The following ZNF677 variants were observed in gnomAD, a reference collection of about 807,000 sequenced individuals.
ZNF677 encodes the protein hypothetical protein MGC48625.
ZNF677 carries 5 observed loss-of-function variants against 8.1 expected under a neutral mutation model. The observed-to-expected ratio is 0.62, with a 90% confidence interval of 0.32 to 1.29. The LOEUF (loss-of-function observed/expected upper bound fraction) is 1.29, where lower values mean the gene tolerates loss of function less well. ZNF677 is among the 50% of genes most tolerant of loss of function. ZNF677 has a pLI of 0.05. For missense variants in ZNF677, 685 were observed against 685.9 expected (o/e 1.00, Z 0.01); for synonymous variants, 221 against 225.6 (o/e 0.98, Z 0.18).
intron 3 of ZNF677, among the ~76,000 whole-genome samples, chr19:53,250,487 C>CTTTTTT (rs1182591306): frequency 1.3e-5 from 2 of 152,186 alleles, no homozygotes; most frequent in Non-Finnish European, 2.9e-5. Flanking sequence ...CCACGGAATA[C>CTTTTTT]TATGTAGCCA....
At chr19:53,242,111 T>C in intron 4 of ZNF677, 1 of 395,246 alleles carries the variant, frequency 2.5e-6, no homozygotes, top group Non-Finnish European at 4.5e-6. Context: ...TTTGTATTTT[T>C]AGTAGAGACG....
chr19:53,237,939 TATG>T lies in ZNF677; in HGVS notation c.785_787del (p.Ser262del), dbSNP rs1568688710. 2.0e-5 allele frequency: 33 copies of T among 1,612,116 alleles called. No individual in the cohort carries two copies. Among genetic ancestry groups the T allele is most frequent in the Non-Finnish European group, 2.7e-5 (32 of 1,179,872 alleles). On this transcript the variant is annotated inframe_deletion, in exon 5 of 5. Transcript: ENST00000598513. Reference sequence around the variant, plus strand: ...AGCCTTTCCACAGTCATTACACTTGTATGATTTTTCTCTAATGTGTGTTCTCCC... The same window carrying T: ...AGCCTTTCCACAGTCATTACACTTGTATTTTTCTCTAATGTGTGTTCTCCC...
chr19:53,253,413 C>T (rs1215375667), intron 1 of ZNF677, among the ~76,000 whole-genome samples: 1 of 152,138 alleles, frequency 6.6e-6, no homozygotes, highest in Non-Finnish European at 1.5e-5. Flanking sequence ...GCATTTAGGC[C>T]AGGCGCGGTG....
Position 53,235,641 on chromosome 19 carries a change from CT to C in ZNF677, c.*1330del. 1 of 152,226 alleles carries C rather than the reference CT, an allele frequency of 6.6e-6. No individual in the cohort carries two copies. Among genetic ancestry groups the C allele is most frequent in the Non-Finnish European group, 1.5e-5 (1 of 68,012 alleles). 9.4% of individuals were successfully genotyped at this position (152,226 alleles called of 1,614,324 possible). On this transcript the variant is annotated 3_prime_UTR_variant, in exon 5 of 5. Transcript: ENST00000598513. ...CAAGAGAGGGTGACTATCATTCCCCCTCCATTTCTTTCTACCACATATGCAG... is the reference window on the plus strand; with the variant it reads ...CAAGAGAGGGTGACTATCATTCCCCCCCATTTCTTTCTACCACATATGCAG...
chr19:53,237,032 A>G lies in ZNF677; in HGVS notation c.1695T>C (p.Tyr565=), dbSNP rs1365656815. 1.9e-6 allele frequency: 3 copies of G among 1,603,058 alleles called. No homozygotes were observed. Among genetic ancestry groups the G allele is most frequent in the Non-Finnish European group, 2.5e-6 (3 of 1,176,518 alleles). Reference sequence around the variant, plus strand: ...TATATTTGATATGTTTTTCTCTATTATAACTTTTTTGATGATCTCCAAGGT... The same window carrying G: ...TATATTTGATATGTTTTTCTCTATTGTAACTTTTTTGATGATCTCCAAGGT... ...SSNLGDHQKS[Y]NREKHIKYNE... is the part of the protein sequence containing the mutation. Residue 565 remains tyrosine, a synonymous_variant, in exon 5 of 5, where the codon TAT becomes TAC. Coordinates refer to ENST00000598513, the MANE Select transcript of ZNF677 (RefSeq NM_182609.4).
At chr19:53,247,888 A>T (rs2146959918) in intron 3 of ZNF677, among the ~76,000 whole-genome samples, 1 of 152,332 alleles carries the variant, frequency 6.6e-6, no homozygotes, top group South Asian at 2.1e-4. Flanking sequence ...TTTTATAAAC[A>T]TTATATAGTG....
In ZNF677 at chr19:53,254,529, G is replaced by C. The variant is rs1357290273; in HGVS notation, c.-127+305C>G. 4 of 152,428 alleles carry C rather than the reference G, an allele frequency of 2.6e-5. No individual in the cohort carries two copies. The South Asian group carries it at 8.3e-4, about 32-fold the overall frequency. The allele number at this position is 152,428 out of a possible 1,614,324, so 9.4% of individuals were successfully genotyped here. A position where few individuals can be genotyped will look rare whatever the true frequency, so the allele number is the denominator to read the frequency against. On this transcript the variant is annotated intron_variant, in intron 1 of 4. Coordinates refer to ENST00000598513, the MANE Select transcript of ZNF677 (RefSeq NM_182609.4). ...CCGAGTGAGGGCTTTACCAGGGGGA[G>C]GGAAGAGGGAGTCAGAGAAGAGTTT...
chr19:53,243,841 G>A lies in ZNF677; in HGVS notation c.72C>T (p.Cys24=), dbSNP rs756022520. ...AIEFSQEEWE[C]LDPAQRALYR... ...ACAAGGCCCTCTGGGCAGGGTCCAG[G>A]CACTCCCACTCCTCTTGAGAGAATT... Residue 24 remains cysteine (C), a synonymous_variant, in exon 4 of 5, where the codon TGC becomes TGT. Coordinates refer to ENST00000598513, the MANE Select transcript of ZNF677 (RefSeq NM_182609.4). The A allele has an allele frequency of 2.2e-5, 36 of 1,613,698 alleles. No individual in the cohort carries two copies. The East Asian group carries it at 8.0e-4, about 36-fold the overall frequency.
At chr19:53,244,158 T>A (rs779129550) in intron 3 of ZNF677, 1 of 416,004 alleles carries the variant, frequency 2.4e-6, no homozygotes, top group Non-Finnish European at 4.3e-6. Context: ...GCTCAGGAGT[T>A]TGAAACAGTC....
intron 3 of ZNF677, among the ~76,000 whole-genome samples, chr19:53,249,795 T>A (rs549685258): frequency 2.0e-5 from 3 of 152,348 alleles, no homozygotes; most frequent in African/African-American, 7.2e-5. Context: ...ATTTGGCTCC[T>A]GCCTCTCTGA....
At chr19:53,251,291 C>T (rs1456356116) in intron 3 of ZNF677, among the ~76,000 whole-genome samples, 11 of 152,202 alleles carry the variant, frequency 7.2e-5, no homozygotes, top group African/African-American at 2.2e-4. Context: ...GCCCCCCATA[C>T]CCAATCCATG....
In ZNF677 at chr19:53,237,197, A is replaced by G. The variant is rs141649158; in HGVS notation, c.1530T>C (p.Thr510=). 2.4e-5 allele frequency: 39 copies of G among 1,612,772 alleles called. No individual in the cohort carries two copies. Among genetic ancestry groups the G allele is most frequent in the Non-Finnish European group, 3.1e-5 (36 of 1,179,106 alleles). ...SNLTQHKKIH[T]GEKPYKCTEC... ...CAGTACATTTGTAAGGTTTCTCTCC[A>G]GTATGGATTTTCTTATGCTGAGTAA... The change falls in exon 5 of 5, where the codon ACT becomes ACC. Residue 510 remains threonine (T), a synonymous_variant. Coordinates refer to ENST00000598513, the MANE Select transcript of ZNF677 (RefSeq NM_182609.4).
At chr19:53,239,700 T>C (rs901248466) in intron 4 of ZNF677, 2 of 152,280 alleles carry the variant, frequency 1.3e-5, no homozygotes, top group East Asian at 3.9e-4. Flanking sequence ...ATCTTATTCA[T>C]AAAGGTAACT....
chr19:53,242,216 G>T (rs993321199), intron 4 of ZNF677: 21 of 398,034 alleles, frequency 5.3e-5, no homozygotes, highest in Non-Finnish European at 9.3e-5. Flanking sequence ...ATAGGCGTGA[G>T]GCACCACGCC....
At chr19:53,245,774 G>A (rs762326232) in intron 3 of ZNF677, among the ~76,000 whole-genome samples, 2 of 152,062 alleles carry the variant, frequency 1.3e-5, no homozygotes, top group Non-Finnish European at 2.9e-5. Context: ...AGCACTTTGG[G>A]AGGCCGAGGT....
rs1192505670 is a variant in ZNF677 at position 53,254,816 on chromosome 19, C to T, written c.-127+18G>A. On this transcript the variant is annotated intron_variant, in intron 1 of 4. Transcript: ENST00000598513. ...GGCCCGCGAGGCGCAGGCTTGAACC[C>T]GAAAGACGGAGACTCACCCGAGAGC... The T allele has an allele frequency of 6.6e-6, 1 of 152,594 alleles. No individual in the cohort carries two copies. The highest frequency in any genetic ancestry group is 6.5e-5 in the Admixed American group (1 of 15,282). 9.5% of individuals were successfully genotyped at this position (152,594 alleles called of 1,614,324 possible).
chr19:53,237,744 C>T lies in ZNF677; in HGVS notation c.983G>A (p.Cys328Tyr), dbSNP rs2090988786. ...ACTTGCAAGATTTGAATTTTGACTA[C>T]AGACCTTGCCACATATATTACATTG... ...PYQCNICGKV[C>Y]SQNSNLASHQ... Residue 328 changes from cysteine (C) to tyrosine (Y), a missense_variant, in exon 5 of 5, where the codon TGT becomes TAT. Transcript: ENST00000598513. The T allele has an allele frequency of 1.2e-6, 2 of 1,613,684 alleles. No individual in the cohort carries two copies. The highest frequency in any genetic ancestry group is 1.7e-6 in the Non-Finnish European group (2 of 1,179,878).
At chr19:53,241,140 A>C (rs1361468945) in intron 4 of ZNF677, 2 of 152,210 alleles carry the variant, frequency 1.3e-5, no homozygotes, top group Admixed American at 1.3e-4. Flanking sequence ...TAAATACTCA[A>C]GGAAGAAATC....
In ZNF677 at chr19:53,237,598, A is replaced by C. The variant is rs2090986036; in HGVS notation, c.1129T>G (p.Cys377Gly). 1 of 1,613,624 alleles carries C rather than the reference A, an allele frequency of 6.2e-7. No individual in the cohort carries two copies. Among genetic ancestry groups the C allele is most frequent in the African/African-American group, 1.3e-5 (1 of 74,802 alleles). ...GCAAAGGCTTTGTCACATTCATTAC[A>C]TTTGTAAGGTTTCTCTCCAGTATGA... is the stretch of plus-strand genomic sequence containing the variant. Reference protein sequence around the residue: ...RIHTGEKPYKCNECDKAFAER... With the variant: ...RIHTGEKPYKGNECDKAFAER... Residue 377 changes from cysteine to glycine, a missense_variant, in exon 5 of 5, where the codon TGT (cysteine) becomes GGT (glycine). Cys to Gly is a radical substitution (Grantham distance 159). Transcript: ENST00000598513.
Sources: gnomAD v4.1 joint callset for allele counts (sites outside exome capture counted in the v4.1 genomes callset) on GRCh38, gnomAD v4.1.1 for gene constraint, MANE v1.5 for transcripts, NCBI Gene and HGNC (gene_info 2026-07-23, HGNC 2026-07-21) for gene names.